SLC22A4: variants seen among roughly 807,000 people sequenced by gnomAD.
SLC22A4 encodes the protein ET transporter.
A neutral mutation model predicts 56.6 loss-of-function variants in SLC22A4; 39 were observed. The observed-to-expected ratio is 0.69, with a 90% CI of 0.53 to 0.90. The LOEUF (loss-of-function observed/expected upper bound fraction) is 0.90, where lower values mean the gene tolerates loss of function less well. Ranked by LOEUF, SLC22A4 falls within the 40% of genes least tolerant of loss-of-function variation. The pLI is 0.00. For missense variants in SLC22A4, 594 were observed against 696.5 expected (o/e 0.85, Z 1.66); for synonymous variants, 241 against 281.4 (o/e 0.86, Z 1.44).
At chr5:132,303,317 T>C (rs1749949283) in intron 1 of SLC22A4, among the ~76,000 whole-genome samples, 1 of 151,994 alleles carries the variant, frequency 6.6e-6, no homozygotes. Flanking sequence ...CACACACATT[T>C]AGAGTCTCTG....
At chr5:132,319,897 A>G (rs1306699530) in intron 3 of SLC22A4, among the ~76,000 whole-genome samples, 1 of 152,142 alleles carries the variant, frequency 6.6e-6, no homozygotes, top group Non-Finnish European at 1.5e-5. Context: ...GGCCTGGAAT[A>G]TTAGTTTTTA....
At position 132,317,751 on chromosome 5, in the gene SLC22A4, G is replaced by T. The variant is rs374860617; in HGVS notation, c.652+3983G>T. Among the ~76,000 whole-genome samples, 57 of 152,262 alleles carry T rather than the reference G, an allele frequency of 3.7e-4. 1 individual carries two copies. In the Middle Eastern group the frequency reaches 0.027, roughly 73 times the overall value. ...TCAAAATAGTCAGCTGCGTATTTTT[G>T]ATCTTTTCACCAAGGCACAACTTTT... On this transcript the variant is annotated intron_variant, in intron 3 of 9. Transcript: ENST00000200652.
chr5:132,340,868 C>A (rs1751197165), intron 9 of SLC22A4, among the ~76,000 whole-genome samples, 168 bp downstream of exon 9: 1 of 152,224 alleles, frequency 6.6e-6, no homozygotes, highest in African/African-American at 2.4e-5. Context: ...GTAATCCCAG[C>A]ACTTTGGGAG....
intron 4 of SLC22A4, among the ~76,000 whole-genome samples, chr5:132,325,064 G>A (rs1676193461): frequency 6.6e-6 from 1 of 152,158 alleles, no homozygotes; most frequent in Admixed American, 6.5e-5. Context: ...TGGGGATGGG[G>A]TAGGGAAGCA....
In SLC22A4 at chr5:132,343,619, C is replaced by T. The variant is rs918630298; in HGVS notation, c.1581-141C>T. On this transcript the variant is annotated intron_variant, in intron 9 of 9. Coordinates refer to ENST00000200652, the MANE Select transcript of SLC22A4 (RefSeq NM_003059.3). Reference sequence around the variant, plus strand: ...TTAAAAGCATAAAATATTAGATCTACACCATGAGGTTCTCATTAGAGTTCA... The same window carrying T: ...TTAAAAGCATAAAATATTAGATCTATACCATGAGGTTCTCATTAGAGTTCA... The T allele has an allele frequency of 4.7e-6, 3 of 640,618 alleles. No homozygotes were observed. In the African/African-American group the frequency reaches 5.5e-5, roughly 12 times the overall value. 39.7% of individuals were successfully genotyped at this position (640,618 alleles called of 1,614,324 possible).
intron 9 of SLC22A4, among the ~76,000 whole-genome samples, chr5:132,341,435 T>C (rs1434806966): frequency 6.6e-6 from 1 of 151,922 alleles, no homozygotes; most frequent in African/African-American, 2.4e-5. Context: ...ATAATAATAG[T>C]AATAAAGCAT....
chr5:132,298,233 C>T (rs543054442), intron 1 of SLC22A4, among the ~76,000 whole-genome samples: 6 of 152,308 alleles, frequency 3.9e-5, no homozygotes, highest in African/African-American at 1.4e-4. Flanking sequence ...TGAAAGCAAC[C>T]CAAGTGTCCT....
intron 1 of SLC22A4, among the ~76,000 whole-genome samples, chr5:132,297,536 A>G (rs1749806956): frequency 6.6e-6 from 1 of 152,146 alleles, no homozygotes; most frequent in African/African-American, 2.4e-5. Context: ...ATCACTGATG[A>G]AAGCCTCAGT....
chr5:132,309,412 C>T (rs3792881), intron 1 of SLC22A4, among the ~76,000 whole-genome samples: 11,726 of 152,308 alleles, frequency 0.077, 594 homozygotes, highest in South Asian at 0.15. Flanking sequence ...GGGCAAACGG[C>T]CACTGCGTGT....
chr5:132,306,443 A>AGTT (rs1237376748), intron 1 of SLC22A4, among the ~76,000 whole-genome samples: 9 of 58,216 alleles, frequency 1.5e-4, no homozygotes, highest in South Asian at 1.2e-3. Flanking sequence ...ATATATATAT[A>AGTT]GTTGTTGTTG....
intron 1 of SLC22A4, among the ~76,000 whole-genome samples, chr5:132,302,050 A>C (rs923336747): frequency 6.6e-6 from 1 of 152,238 alleles, no homozygotes; most frequent in African/African-American, 2.4e-5. Context: ...GAGAGCACAT[A>C]GAGGAGACTC....
At chr5:132,324,931 A>G (rs1388369277) in intron 4 of SLC22A4, among the ~76,000 whole-genome samples, 3 of 152,262 alleles carry the variant, frequency 2.0e-5, no homozygotes, top group Non-Finnish European at 2.9e-5. Context: ...TGGGCTAGAA[A>G]TGGGAGGTAA....
chr5:132,324,751 C>T (rs1750642701), intron 4 of SLC22A4: 1 of 359,754 alleles, frequency 2.8e-6, no homozygotes, highest in Admixed American at 3.7e-5. Context: ...AGCTCTCCAG[C>T]AACACCTCAC....
chr5:132,309,839 A>T (rs34695718), intron 1 of SLC22A4, among the ~76,000 whole-genome samples: 11,119 of 152,356 alleles, frequency 0.073, 542 homozygotes, highest in East Asian at 0.27. Context: ...ACAGCCTTCC[A>T]TTCCTTTCTA....
chr5:132,343,906 C>A lies in SLC22A4; in HGVS notation c.*71C>A. ...ACCCTGTGGAGAAATTCGTTGTTCC[C>A]ACTGAAATGGACTGACTGTAACGAT... On this transcript the variant is annotated 3_prime_UTR_variant, in exon 10 of 10. Transcript: ENST00000200652. 1.1e-6 allele frequency: 1 copy of A among 952,164 alleles called. No homozygotes were observed. The highest frequency in any genetic ancestry group is 2.4e-5 in the East Asian group (1 of 41,124). 59.0% of individuals were successfully genotyped at this position (952,164 alleles called of 1,614,324 possible).
chr5:132,343,803 G>A lies in SLC22A4; in HGVS notation c.1624G>A (p.Glu542Lys), dbSNP rs778655134. 2 of 1,609,208 alleles carry A rather than the reference G, an allele frequency of 1.2e-6. No homozygotes were observed. The highest frequency in any genetic ancestry group is 8.5e-7 in the Non-Finnish European group (1 of 1,176,068). ...AACAAGAGACTCAATGGAGACAGAAGAAAATCCCAAGGTTCTAATAACTGC... is the reference window on the plus strand; with the variant it reads ...AACAAGAGACTCAATGGAGACAGAAAAAAATCCCAAGGTTCTAATAACTGC... Reference protein sequence around the residue: ...KKTRDSMETEENPKVLITAF With the variant: ...KKTRDSMETEKNPKVLITAF Residue 542 changes from glutamate to lysine, a missense_variant, in exon 10 of 10, where the codon GAA becomes AAA. Glu to Lys is a moderately conservative substitution (Grantham distance 56). Transcript: ENST00000200652.
intron 3 of SLC22A4, 127 bp downstream of exon 3, chr5:132,313,895 C>T (rs1053998862): frequency 1.6e-5 from 16 of 1,023,344 alleles, no homozygotes; most frequent in Admixed American, 3.7e-5. Context: ...GGGAGGGAGC[C>T]GTAGCCACAG....
chr5:132,317,251 GT>G (rs1417011916), intron 3 of SLC22A4, among the ~76,000 whole-genome samples: 13 of 152,308 alleles, frequency 8.5e-5, no homozygotes, highest in Admixed American at 1.3e-4. Context: ...GTATAATTCA[GT>G]GGTGTTTAGC....
In SLC22A4 at chr5:132,303,056, A is replaced by G. The variant is rs547105928; in HGVS notation, c.393+8047A>G. ...ATGGGAGAAAATATTGACAAATCAT[A>G]TATCTGATAAAGGATTTGTATCTAG... On this transcript the variant is annotated intron_variant, in intron 1 of 9. Coordinates refer to ENST00000200652, the MANE Select transcript of SLC22A4 (RefSeq NM_003059.3). 6.6e-5 allele frequency among the ~76,000 whole-genome samples: 10 copies of G among 152,398 alleles called. No homozygotes were observed. The South Asian group carries it at 1.7e-3, about 25-fold the overall frequency.
Sources: gnomAD v4.1 joint callset for allele counts (sites outside exome capture counted in the v4.1 genomes callset) on GRCh38, gnomAD v4.1.1 for gene constraint, MANE v1.5 for transcripts, NCBI Gene and HGNC (gene_info 2026-07-23, HGNC 2026-07-21) for gene names.